GREM2: variants seen among roughly 807,000 people sequenced by gnomAD.
GREM2 encodes gremlin 2, DAN family BMP antagonist.
A neutral mutation model predicts 14.2 loss-of-function variants in GREM2; 11 were observed. The observed-to-expected ratio is 0.78, with a 90% CI of 0.49 to 1.28. The LOEUF (loss-of-function observed/expected upper bound fraction) is 1.28. GREM2 is among the 50% of genes most tolerant of loss of function. The pLI is 0.00. For missense variants in GREM2, 210 were observed against 218.5 expected, an observed-to-expected ratio of 0.96 and a Z score of 0.24; for synonymous variants, 98 against 97.6, an observed-to-expected ratio of 1.00 and a Z score of -0.02.
intron 1 of GREM2, among the ~76,000 whole-genome samples, chr1:240,501,010 C>G (rs1677559303): frequency 1.3e-5 from 2 of 152,262 alleles, no homozygotes; most frequent in Admixed American, 1.3e-4. Flanking sequence ...TTTGCTAATT[C>G]TTGGTGTTAC....
intron 1 of GREM2, among the ~76,000 whole-genome samples, chr1:240,518,808 C>T (rs1678010582): frequency 6.6e-6 from 1 of 152,194 alleles, no homozygotes; most frequent in Admixed American, 6.5e-5. Context: ...TGGCTTGGTG[C>T]TACCAAACAT....
intron 1 of GREM2, among the ~76,000 whole-genome samples, chr1:240,563,244 T>C (rs1336082807): frequency 6.6e-6 from 1 of 151,996 alleles, no homozygotes; most frequent in Non-Finnish European, 1.5e-5. Flanking sequence ...TGTGTGTGTA[T>C]GCACAGGAAC....
In GREM2 at chr1:240,569,362, T is replaced by C. The variant is rs528027043; in HGVS notation, c.-2+42522A>G. Among the ~76,000 whole-genome samples the C allele has an allele frequency of 1.6e-4, 25 of 152,278 alleles. 1 individual carries two copies. Among genetic ancestry groups the C allele is most frequent in the African/African-American group, 6.0e-4 (25 of 41,558 alleles). ...ATTTACAAGATGATTCTAAAATTCA[T>C]ATGAAAATAAATGTAGAATAGCCAA... is the stretch of plus-strand genomic sequence containing the variant. On this transcript the variant is annotated intron_variant, in intron 1 of 1. Coordinates refer to ENST00000318160, the MANE Select transcript of GREM2 (RefSeq NM_022469.4).
intron 1 of GREM2, among the ~76,000 whole-genome samples, chr1:240,539,865 C>T (rs1364398179): frequency 2.0e-5 from 3 of 152,260 alleles, no homozygotes; most frequent in Non-Finnish European, 4.4e-5. Context: ...TGCTTGCCCA[C>T]ATCTGAGACC....
intron 1 of GREM2, among the ~76,000 whole-genome samples, chr1:240,602,306 T>C (rs1396252485): frequency 6.6e-6 from 1 of 152,200 alleles, no homozygotes; most frequent in Non-Finnish European, 1.5e-5. Context: ...ACATTATCAC[T>C]CCATCCCATG....
intron 1 of GREM2, among the ~76,000 whole-genome samples, chr1:240,587,458 G>C (rs1011617947): frequency 6.6e-6 from 1 of 151,536 alleles, no homozygotes; most frequent in Admixed American, 6.6e-5. Flanking sequence ...CGTAGCTGAG[G>C]CTACAAGCAT....
intron 1 of GREM2, chr1:240,530,896 A>G (rs1324070779): frequency 9.4e-6 from 1 of 106,866 alleles, no homozygotes; most frequent in African/African-American, 3.1e-5. Flanking sequence ...TAAAAAACGA[A>G]GGAAATGAAT....
At chr1:240,500,506 T>C (rs1677547530) in intron 1 of GREM2, among the ~76,000 whole-genome samples, 1 of 152,080 alleles carries the variant, frequency 6.6e-6, no homozygotes, top group Admixed American at 6.5e-5. Flanking sequence ...GGTTTCACCG[T>C]GTTGGCCAGG....
At chr1:240,554,319 G>A (rs1482653010) in intron 1 of GREM2, among the ~76,000 whole-genome samples, 2 of 151,420 alleles carry the variant, frequency 1.3e-5, no homozygotes, top group South Asian at 4.2e-4. Flanking sequence ...GCTGAGGCAC[G>A]AGAATAGCTT....
intron 1 of GREM2, 72 bp from the exon 2 acceptor site, chr1:240,493,548 T>A (rs1677322480): frequency 2.1e-6 from 3 of 1,438,188 alleles, no homozygotes; most frequent in African/African-American, 2.9e-5. Context: ...CTTATTTTTT[T>A]TTTTATTTTA....
chr1:240,573,396 G>C (rs575491570), intron 1 of GREM2, among the ~76,000 whole-genome samples: 4 of 152,134 alleles, frequency 2.6e-5, no homozygotes, highest in African/African-American at 9.6e-5. Context: ...CTCAGGCTTC[G>C]TATATAGAAC....
chr1:240,527,227 A>AG (rs35566740), intron 1 of GREM2, among the ~76,000 whole-genome samples: 43,684 of 152,106 alleles, frequency 0.29, 6,485 homozygotes, highest in Middle Eastern at 0.37. Flanking sequence ...TATTAAAGAA[A>AG]GGAAATTTAA....
Position 240,562,867 on chromosome 1 carries a change from TGTGA to T in GREM2, c.-2+49013_-2+49016del, listed in dbSNP as rs531443408. On this transcript the variant is annotated intron_variant, in intron 1 of 1. Transcript: ENST00000318160. The stretch of plus-strand genomic sequence containing the variant: ...GAGTGTGTATGTGTGTATGTGTATA[TGTGA>T]GTGTGTATGTGTGTATGAGTGTGTA... Among the ~76,000 whole-genome samples, 317 of 150,572 alleles carry T rather than the reference TGTGA, an allele frequency of 2.1e-3. 1 individual carries two copies. Among genetic ancestry groups the T allele is most frequent in the Admixed American group, 3.8e-3 (57 of 15,098 alleles).
At chr1:240,588,430 T>C (rs1679642825) in intron 1 of GREM2, 1 of 152,340 alleles carries the variant, frequency 6.6e-6, no homozygotes, top group African/African-American at 2.4e-5. Context: ...TCGGAGGTTG[T>C]GGCCTGTGTC....
intron 1 of GREM2, among the ~76,000 whole-genome samples, chr1:240,563,211 GTGTGTT>G (rs1379076524): frequency 7.0e-6 from 1 of 142,238 alleles, no homozygotes; most frequent in African/African-American, 3.1e-5. Flanking sequence ...GTAAGTGAGT[GTGTGTT>G]TGAGTGTGCG....
Position 240,493,463 on chromosome 1 carries a change from GC to G in GREM2, c.12del (p.Lys4AsnfsTer13). 1 of 1,606,622 alleles carries G rather than the reference GC, an allele frequency of 6.2e-7. No individual in the cohort carries two copies. The highest frequency in any genetic ancestry group is 8.5e-7 in the Non-Finnish European group (1 of 1,175,944). On this transcript the variant is annotated frameshift_variant, in exon 2 of 2. Coordinates refer to ENST00000318160, the MANE Select transcript of GREM2 (RefSeq NM_022469.4). LOFTEE classifies it high-confidence loss of function. MFW[K>X]LSLSLFLVAV... The stretch of plus-strand genomic sequence containing the variant: ...GCCACCAGGAACAAGGACAGGGAAA[GC>G]TTCCAGAACATCCTGCAAACGAGAA...
intron 1 of GREM2, among the ~76,000 whole-genome samples, chr1:240,521,939 C>T (rs1376337356): frequency 6.6e-6 from 1 of 151,674 alleles, no homozygotes; most frequent in African/African-American, 2.4e-5. Context: ...TGGTGAAACC[C>T]CATCTCTACC....
chr1:240,499,182 A>G (rs1677508121), intron 1 of GREM2, among the ~76,000 whole-genome samples: 1 of 152,230 alleles, frequency 6.6e-6, no homozygotes, highest in South Asian at 2.1e-4. Context: ...AGGAAAGAAT[A>G]CAGTAGTGCT....
chr1:240,602,654 TA>T (rs1679947328), intron 1 of GREM2, among the ~76,000 whole-genome samples: 3 of 150,390 alleles, frequency 2.0e-5, no homozygotes, highest in Admixed American at 1.3e-4. Flanking sequence ...GCGTCTCTAA[TA>T]AAAATAAAAA....
Sources: allele counts gnomAD v4.1 joint callset (sites outside exome capture counted in the v4.1 genomes callset), GRCh38; gene constraint gnomAD v4.1.1; transcripts MANE v1.5; gene names NCBI Gene and HGNC (gene_info 2026-07-23, HGNC 2026-07-21).